Variants in KRABD5 observed in about 807,000 individuals in gnomAD.
KRABD5 encodes KRAB domain containing 5.
At chr16:31,714,071 C>T in the KRABD5 span, among the ~76,000 whole-genome samples, 2 of 152,184 alleles carry the variant, frequency 1.3e-5, no homozygotes, top group Admixed American at 6.5e-5. Flanking sequence ...AATATCAGGT[C>T]CTCTCTTTTG....
the KRABD5 span, chr16:31,722,590 G>A: frequency 3.1e-6 from 5 of 1,607,234 alleles, no homozygotes; most frequent in African/African-American, 4.0e-5. Context: ...TCTGCCCATG[G>A]CCACATGGTC....
At chr16:31,752,878 T>G in the KRABD5 span, among the ~76,000 whole-genome samples, 1 of 152,180 alleles carries the variant, frequency 6.6e-6, no homozygotes, top group African/African-American at 2.4e-5. Flanking sequence ...ATAGATATTT[T>G]AAATTATTTT....
the KRABD5 span, chr16:31,713,383 G>T: frequency 6.3e-7 from 1 of 1,594,586 alleles, no homozygotes; most frequent in Non-Finnish European, 8.6e-7. Flanking sequence ...TGACCGGCAG[G>T]CACCGGGAGA....
At chr16:31,745,284 G>A in the KRABD5 span, among the ~76,000 whole-genome samples, 95 of 152,188 alleles carry the variant, frequency 6.2e-4, no homozygotes, top group East Asian at 5.4e-3. Context: ...TCTTAACACT[G>A]CTTTACCTGC....
At chr16:31,727,625 T>C in the KRABD5 span, among the ~76,000 whole-genome samples, 5 of 152,226 alleles carry the variant, frequency 3.3e-5, no homozygotes, top group African/African-American at 1.2e-4. Context: ...ATGAATTCAT[T>C]TGGTCATGGG....
At chr16:31,729,368 T>C in the KRABD5 span, among the ~76,000 whole-genome samples, 16 of 152,220 alleles carry the variant, frequency 1.1e-4, no homozygotes, top group Admixed American at 2.0e-4. Flanking sequence ...GCAGAGAGCA[T>C]GACACTGGCA....
At chr16:31,743,631 A>C in the KRABD5 span, among the ~76,000 whole-genome samples, 1 of 152,056 alleles carries the variant, frequency 6.6e-6, no homozygotes, top group East Asian at 1.9e-4. Flanking sequence ...ATATGAAATA[A>C]AAGTAGTGTT....
At chr16:31,738,507 G>C in the KRABD5 span, among the ~76,000 whole-genome samples, 2 of 152,010 alleles carry the variant, frequency 1.3e-5, no homozygotes, top group Non-Finnish European at 2.9e-5. Context: ...TAACTAATAT[G>C]ACAGTATTTT....
chr16:31,758,859 T>C, the KRABD5 span: 2 of 152,188 alleles, frequency 1.3e-5, no homozygotes, highest in African/African-American at 4.8e-5. Context: ...TTTTCTTAAT[T>C]TCTTAGACTT....
chr16:31,716,704 C>T, the KRABD5 span, among the ~76,000 whole-genome samples: 6 of 151,962 alleles, frequency 3.9e-5, no homozygotes, highest in Non-Finnish European at 8.8e-5. Context: ...TATGTGCATG[C>T]GGTGTGTCCA....
At chr16:31,738,142 A>G in the KRABD5 span, among the ~76,000 whole-genome samples, 1 of 152,098 alleles carries the variant, frequency 6.6e-6, no homozygotes, top group African/African-American at 2.4e-5. Context: ...ATCATGTGCC[A>G]TATATGGTTA....
the KRABD5 span, among the ~76,000 whole-genome samples, chr16:31,751,525 C>T: frequency 8.9e-4 from 136 of 152,172 alleles, no homozygotes; most frequent in African/African-American, 3.2e-3. Context: ...TTTTGTGTTT[C>T]TAGGAATTTA....
At chr16:31,716,055 C>G in the KRABD5 span, among the ~76,000 whole-genome samples, 1 of 152,200 alleles carries the variant, frequency 6.6e-6, no homozygotes, top group African/African-American at 2.4e-5. Flanking sequence ...CGCCATGCCC[C>G]TTTCAGGACA....
chr16:31,738,767 A>G, the KRABD5 span, among the ~76,000 whole-genome samples: 6 of 151,906 alleles, frequency 3.9e-5, no homozygotes, highest in African/African-American at 1.4e-4. Flanking sequence ...TTCTCTTGCT[A>G]TCTTCCTTAG....
At chr16:31,735,749 C>T in the KRABD5 span, among the ~76,000 whole-genome samples, 1 of 152,112 alleles carries the variant, frequency 6.6e-6, no homozygotes, top group African/African-American at 2.4e-5. Context: ...GTCTGTGGCA[C>T]ATTTTTAAAT....
chr16:31,731,586 A>G, the KRABD5 span, among the ~76,000 whole-genome samples: 1 of 152,198 alleles, frequency 6.6e-6, no homozygotes, highest in Non-Finnish European at 1.5e-5. Flanking sequence ...GCTGCAGGAT[A>G]TGGGCCCTGG....
the KRABD5 span, among the ~76,000 whole-genome samples, chr16:31,715,033 T>C: frequency 6.6e-6 from 1 of 152,128 alleles, no homozygotes; most frequent in African/African-American, 2.4e-5. Flanking sequence ...CAAACATGAT[T>C]CAAGGTGGGA....
the KRABD5 span, among the ~76,000 whole-genome samples, chr16:31,720,273 C>T: frequency 2.0e-5 from 3 of 152,164 alleles, no homozygotes; most frequent in Non-Finnish European, 4.4e-5. Context: ...TGGTGGTCCT[C>T]GCTGTGAATG....
At chr16:31,741,006 C>G in the KRABD5 span, among the ~76,000 whole-genome samples, 3 of 152,136 alleles carry the variant, frequency 2.0e-5, no homozygotes, top group Admixed American at 6.5e-5. Flanking sequence ...CCCATTGTCT[C>G]TTTTCCCCAT....
Sources: allele counts gnomAD v4.1 joint callset (sites outside exome capture counted in the v4.1 genomes callset), GRCh38; gene constraint gnomAD v4.1.1; transcripts MANE v1.5; gene names NCBI Gene and HGNC (gene_info 2026-07-23, HGNC 2026-07-21).